Variants in SMURF2 observed in about 807,000 individuals in gnomAD.
The protein encoded by SMURF2 is E3 ubiquitin-protein ligase SMURF2.
In SMURF2, 48 loss-of-function variants were observed where a neutral mutation model predicts 109.6. The ratio of observed to expected loss-of-function variants is 0.44; its 90% CI spans 0.35 to 0.56. The LOEUF (loss-of-function observed/expected upper bound fraction) is 0.56, where lower values mean the gene tolerates loss of function less well. SMURF2 is among the 20% of genes least tolerant of loss of function. The pLI, the probability that SMURF2 is intolerant of heterozygous loss-of-function variation, is 0.01. For missense variants in SMURF2, 575 were observed against 909.0 expected (o/e 0.63, Z 4.72); for synonymous variants, 288 against 317.1 (o/e 0.91, Z 0.97).
chr17:64,557,831 G>A, intron 12 of SMURF2, 109 bp from the exon 13 acceptor site: 1 of 601,770 alleles, frequency 1.7e-6, no homozygotes. Context: ...TTAATAAAAG[G>A]CAAAAAAGCA....
intron 1 of SMURF2, among the ~76,000 whole-genome samples, chr17:64,635,007 G>GT (rs1385972566): frequency 1.3e-5 from 2 of 152,166 alleles, no homozygotes; most frequent in Admixed American, 1.3e-4. Flanking sequence ...GTTATGACAA[G>GT]TTTTTTTCCC....
At chr17:64,661,428 G>C (rs1286454071) in intron 1 of SMURF2, among the ~76,000 whole-genome samples, 1 of 152,072 alleles carries the variant, frequency 6.6e-6, no homozygotes, top group African/African-American at 2.4e-5. Flanking sequence ...TTTACTGCGC[G>C]CAGTCAGCAA....
rs1416072753 is a variant in SMURF2 at position 64,543,666 on chromosome 17, TTAAAA to T, written c.*2177_*2181del. The T allele has an allele frequency of 6.6e-6, 1 of 152,220 alleles. No individual in the cohort carries two copies. The highest frequency in any genetic ancestry group is 1.9e-4 in the East Asian group (1 of 5,198). 9.4% of individuals were successfully genotyped at this position (152,220 alleles called of 1,614,324 possible). On this transcript the variant is annotated 3_prime_UTR_variant, in exon 19 of 19. Coordinates refer to ENST00000262435, the MANE Select transcript of SMURF2 (RefSeq NM_022739.4). ...GTATTTGCCTGCTTTATATTGTATA[TTAAAA>T]TAAGTGATAGTAGCATTTCATTATT...
rs1970787534 is a variant in SMURF2, at chr17:64,661,999, G to C, written c.-119C>G. ...AGCAGCCGGCGCCTCGGCCGCCACG[G>C]CCGGAGGGTCCCGGATGTGCCGAGA... On this transcript the variant is annotated 5_prime_UTR_variant, in exon 1 of 19. Coordinates refer to ENST00000262435, the MANE Select transcript of SMURF2 (RefSeq NM_022739.4). 7 of 1,110,320 alleles carry C rather than the reference G, an allele frequency of 6.3e-6. No homozygotes were observed. The highest frequency in any genetic ancestry group is 8.6e-5 in the South Asian group (2 of 23,260). 68.8% of individuals were successfully genotyped at this position (1,110,320 alleles called of 1,614,324 possible).
At chr17:64,646,927 A>C (rs1454756102) in intron 1 of SMURF2, among the ~76,000 whole-genome samples, 1 of 152,210 alleles carries the variant, frequency 6.6e-6, no homozygotes, top group Non-Finnish European at 1.5e-5. Context: ...AATATGAAAG[A>C]TCAATCGTAG....
chr17:64,641,435 C>T (rs1170856844), intron 1 of SMURF2, among the ~76,000 whole-genome samples: 1 of 152,174 alleles, frequency 6.6e-6, no homozygotes, highest in African/African-American at 2.4e-5. Context: ...TTCTTTGAAA[C>T]TTCTTCTATC....
intron 1 of SMURF2, among the ~76,000 whole-genome samples, chr17:64,653,405 G>A (rs1260184948): frequency 1.3e-5 from 2 of 151,896 alleles, no homozygotes; most frequent in Non-Finnish European, 2.9e-5. Context: ...TGACTAGGAT[G>A]AGGAACTACT....
At chr17:64,591,186 A>C in intron 4 of SMURF2, 37 bp from the exon 5 acceptor site, 3 of 1,479,740 alleles carry the variant, frequency 2.0e-6, no homozygotes, top group Non-Finnish European at 2.8e-6. Context: ...CGAAAAAATT[A>C]GCTGGTATCA....
rs143827665 is a variant in SMURF2, at chr17:64,642,116, T to C, written c.52+19713A>G. On this transcript the variant is annotated intron_variant, in intron 1 of 18. Coordinates refer to ENST00000262435, the MANE Select transcript of SMURF2 (RefSeq NM_022739.4). ...GCCATCACGCCCGGCCCTAGGGTCATTTTTTATGCAGCAATTCTAATAAGC... is the reference window on the plus strand; with the variant it reads ...GCCATCACGCCCGGCCCTAGGGTCACTTTTTATGCAGCAATTCTAATAAGC... 3.0e-3 allele frequency among the ~76,000 whole-genome samples: 453 copies of C among 152,326 alleles called. 1 individual carries two copies. The highest frequency in any genetic ancestry group is 0.01 in the African/African-American group (435 of 41,582).
chr17:64,641,155 T>A (rs1970488332), intron 1 of SMURF2, among the ~76,000 whole-genome samples: 1 of 152,148 alleles, frequency 6.6e-6, no homozygotes, highest in Admixed American at 6.5e-5. Flanking sequence ...TAATCCTTTA[T>A]CAAAATAATT....
intron 1 of SMURF2, among the ~76,000 whole-genome samples, chr17:64,647,679 TAAAAAAAAA>T (rs782754711): frequency 8.2e-6 from 1 of 121,614 alleles, no homozygotes; most frequent in East Asian, 2.4e-4. Flanking sequence ...AGACTCTGTC[TAAAAAAAAA>T]AAAAAAAAGA....
At chr17:64,560,054 A>AT (rs869202238) in intron 12 of SMURF2, among the ~76,000 whole-genome samples, 65 of 143,914 alleles carry the variant, frequency 4.5e-4, no homozygotes, top group Middle Eastern at 7.4e-3. Flanking sequence ...ACCTGGCCAA[A>AT]TTTTTTTTTT....
chr17:64,658,937 T>C (rs912272824), intron 1 of SMURF2, among the ~76,000 whole-genome samples: 2 of 152,214 alleles, frequency 1.3e-5, no homozygotes, highest in Non-Finnish European at 2.9e-5. Flanking sequence ...CAGAAGTAGC[T>C]TGATGGATGA....
chr17:64,567,599 T>C (rs1339031960), intron 10 of SMURF2, among the ~76,000 whole-genome samples: 2 of 152,228 alleles, frequency 1.3e-5, no homozygotes, highest in Admixed American at 6.5e-5. Context: ...TTGGCTTCCC[T>C]GGGCCACACT....
chr17:64,593,612 A>C (rs1365485242), intron 3 of SMURF2, 39 bp from the exon 4 acceptor site: 1 of 1,455,894 alleles, frequency 6.9e-7, no homozygotes, highest in African/African-American at 1.4e-5. Context: ...CTTGGTAGTT[A>C]CAGGCAGTTG....
intron 9 of SMURF2, among the ~76,000 whole-genome samples, chr17:64,573,401 T>C (rs1341579246): frequency 6.6e-6 from 1 of 152,302 alleles, no homozygotes; most frequent in African/African-American, 2.4e-5. Flanking sequence ...AAAATGTTTT[T>C]CCTGAGATGA....
At chr17:64,646,181 T>C (rs1970556423) in intron 1 of SMURF2, among the ~76,000 whole-genome samples, 1 of 150,942 alleles carries the variant, frequency 6.6e-6, no homozygotes, top group African/African-American at 2.4e-5. Flanking sequence ...TTCTCATGTC[T>C]CAGCCTCCCG....
chr17:64,554,402 G>A (rs1032231678), intron 15 of SMURF2, among the ~76,000 whole-genome samples: 3 of 152,220 alleles, frequency 2.0e-5, no homozygotes, highest in African/African-American at 7.2e-5. Context: ...ATCTTGTTGG[G>A]AGAGAGAGTG....
chr17:64,634,762 C>T (rs1413974350), intron 1 of SMURF2, among the ~76,000 whole-genome samples: 1 of 152,102 alleles, frequency 6.6e-6, no homozygotes, highest in Non-Finnish European at 1.5e-5. Flanking sequence ...TCAATTCAAG[C>T]TTAAAAAGAA....
Sources: gnomAD v4.1 joint callset for allele counts (sites outside exome capture counted in the v4.1 genomes callset) on GRCh38, gnomAD v4.1.1 for gene constraint, MANE v1.5 for transcripts, NCBI Gene and HGNC (gene_info 2026-07-23, HGNC 2026-07-21) for gene names.